The following ZC4H2 variants were observed in gnomAD, a reference collection of about 807,000 sequenced individuals.
ZC4H2 encodes zinc finger C4H2 domain-containing protein.
For missense variants in ZC4H2, 137 were observed against 173.9 expected (o/e 0.79, Z 1.19); for synonymous variants, 84 against 66.3 (o/e 1.27, Z -1.30).
In ZC4H2 at chrX:64,936,884, C is replaced by G. The variant is rs191577674; in HGVS notation, c.54-14896G>C. Among the ~76,000 whole-genome samples the G allele has an allele frequency of 2.5e-3, 280 of 111,587 alleles. 3 individuals carry two copies. Among genetic ancestry groups the G allele is most frequent in the Non-Finnish European group, 5.6e-4 (30 of 53,177 alleles). ...ACAAATGGGCAAAATAACCAGCTAG[C>G]ATCAAATTGACAGAATCATATTCAC... On this transcript the variant is annotated intron_variant, in intron 1 of 4. Coordinates refer to ENST00000374839, the MANE Select transcript of ZC4H2 (RefSeq NM_018684.4).
upstream of ZC4H2, among the ~76,000 whole-genome samples, chrX:64,978,486 G>T (rs1932015133): frequency 8.9e-6 from 1 of 111,859 alleles, no homozygotes; most frequent in South Asian, 3.7e-4. Flanking sequence ...AGGGGAGGAG[G>T]TAAGCAACAA....
intron 2 of ZC4H2, 46 bp downstream of exon 2, chrX:64,921,771 C>A (rs775912312): frequency 8.5e-7 from 1 of 1,183,298 alleles, no homozygotes. Flanking sequence ...TTCACCACTA[C>A]CTCTTTCTCA....
chrX:64,946,850 GTTC>G (rs1343622404), intron 1 of ZC4H2, among the ~76,000 whole-genome samples: 1 of 110,981 alleles, frequency 9.0e-6, no homozygotes, highest in Non-Finnish European at 1.9e-5. Context: ...ATTGATTTCT[GTTC>G]TTACCTTTAT....
intron 1 of ZC4H2, among the ~76,000 whole-genome samples, chrX:65,026,433 G>T (rs751819070): frequency 4.5e-5 from 5 of 111,586 alleles, no homozygotes; most frequent in African/African-American, 1.6e-4. Context: ...TTTAGCGGCC[G>T]GGTGCGGTGG....
chrX:64,964,914 T>C (rs1010304950), intron 1 of ZC4H2, among the ~76,000 whole-genome samples: 7 of 111,889 alleles, frequency 6.3e-5, no homozygotes, highest in African/African-American at 2.3e-4. Context: ...ATGCGCTCAA[T>C]TGAAGGTAGG....
chrX:65,034,407 C>G (rs755184629), intron 1 of ZC4H2, among the ~76,000 whole-genome samples: 150 of 111,681 alleles, frequency 1.3e-3, no homozygotes, highest in African/African-American at 4.7e-3. Flanking sequence ...CCTGGCAGCC[C>G]TTGTGAAGGA....
intron 1 of ZC4H2, among the ~76,000 whole-genome samples, chrX:64,962,624 C>G (rs188036107): frequency 9.0e-6 from 1 of 111,426 alleles, no homozygotes; most frequent in African/African-American, 3.2e-5. Flanking sequence ...TTTCAGTTGA[C>G]AAAATCTTAT....
At chrX:64,951,667 T>C in intron 1 of ZC4H2, among the ~76,000 whole-genome samples, 1 of 111,419 alleles carries the variant, frequency 9.0e-6, no homozygotes, top group Non-Finnish European at 1.9e-5. Context: ...TTCTTGTAAA[T>C]TTGTTTGAGT....
chrX:65,021,451 T>C (rs1488106250), intron 1 of ZC4H2, among the ~76,000 whole-genome samples: 1 of 110,986 alleles, frequency 9.0e-6, no homozygotes, highest in Non-Finnish European at 1.9e-5. Context: ...AAGGCAGAAA[T>C]AAAGATGTTC....
chrX:64,964,626 GC>G (rs1215016703), intron 1 of ZC4H2, among the ~76,000 whole-genome samples: 1 of 111,706 alleles, frequency 9.0e-6, no homozygotes, highest in Admixed American at 9.5e-5. Flanking sequence ...AAGGTAAAAT[GC>G]TATATCATCA....
chrX:64,973,436 C>A (rs913996987), intron 1 of ZC4H2, among the ~76,000 whole-genome samples: 2 of 109,336 alleles, frequency 1.8e-5, no homozygotes, highest in African/African-American at 6.7e-5. Context: ...GCATGTCCTC[C>A]CCTTTACATC....
chrX:64,950,556 GGATA>G (rs1391716488), intron 1 of ZC4H2, among the ~76,000 whole-genome samples: 2 of 110,936 alleles, frequency 1.8e-5, no homozygotes, highest in African/African-American at 6.6e-5. Flanking sequence ...TATATATTTA[GGATA>G]GTTAGCTCTT....
chrX:65,006,594 G>T (rs1019034254), intron 1 of ZC4H2, among the ~76,000 whole-genome samples: 10 of 109,487 alleles, frequency 9.1e-5, no homozygotes, highest in African/African-American at 3.0e-4. Flanking sequence ...AGCATTAGGA[G>T]ATATACCTAA....
intron 1 of ZC4H2, among the ~76,000 whole-genome samples, chrX:64,955,520 A>C (rs1227532755): frequency 9.0e-6 from 1 of 111,107 alleles, no homozygotes; most frequent in Non-Finnish European, 1.9e-5. Flanking sequence ...TCATAATCTC[A>C]CAACTGAGAA....
intron 1 of ZC4H2, among the ~76,000 whole-genome samples, chrX:65,000,879 T>C (rs1277008402): frequency 9.1e-6 from 1 of 110,025 alleles, no homozygotes; most frequent in East Asian, 2.9e-4. Context: ...GAAGACAAGA[T>C]TAGAGAAAAA....
At chrX:65,024,127 G>A (rs1432554179) in intron 1 of ZC4H2, among the ~76,000 whole-genome samples, 1 of 110,287 alleles carries the variant, frequency 9.1e-6, no homozygotes, top group African/African-American at 3.3e-5. Flanking sequence ...GGCACTAGGG[G>A]AGGGATAGCA....
intron 1 of ZC4H2, among the ~76,000 whole-genome samples, chrX:65,032,734 TTTCCTTCCTTCCTTCCTTCC>T (rs59235733): frequency 1.2e-5 from 1 of 86,788 alleles, no homozygotes; most frequent in South Asian, 6.5e-4. Flanking sequence ...TTCTTCTTTC[TTTCCTTCCTTCCTTCCTTCC>T]TTCCTTCCTT....
intron 1 of ZC4H2, among the ~76,000 whole-genome samples, chrX:65,002,959 C>A (rs1932574692): frequency 9.1e-6 from 1 of 109,979 alleles, no homozygotes; most frequent in African/African-American, 3.3e-5. Flanking sequence ...AAACCAGAGA[C>A]CTTTGTTCAC....
chrX:64,948,751 T>C (rs974459664), intron 1 of ZC4H2, among the ~76,000 whole-genome samples: 12 of 111,998 alleles, frequency 1.1e-4, no homozygotes, highest in African/African-American at 3.2e-4. Flanking sequence ...GAAAAAAGTT[T>C]TATATGCAAG....
Sources: gnomAD v4.1 joint callset for allele counts (sites outside exome capture counted in the v4.1 genomes callset) on GRCh38, gnomAD v4.1.1 for gene constraint, MANE v1.5 for transcripts, NCBI Gene and HGNC (gene_info 2026-07-23, HGNC 2026-07-21) for gene names.